FCHSD2: variants seen among roughly 807,000 people sequenced by gnomAD.
FCHSD2 encodes F-BAR and double SH3 domains protein 2.
A neutral mutation model predicts 108.1 loss-of-function variants in FCHSD2; 38 were observed. The ratio of observed to expected loss-of-function variants is 0.35; its 90% CI spans 0.27 to 0.46. The LOEUF is 0.46. Ranked by LOEUF, FCHSD2 falls within the 20% of genes least tolerant of loss-of-function variation. FCHSD2 has a pLI of 1.00. For synonymous variants in FCHSD2, 279 were observed against 314.7 expected (o/e 0.89, Z 1.20); for missense variants, 751 against 897.8 (o/e 0.84, Z 2.09).
chr11:73,005,205 T>C lies in FCHSD2; in HGVS notation c.243-4071A>G, dbSNP rs188769907. On this transcript the variant is annotated intron_variant, in intron 4 of 19. Transcript: ENST00000409418. ...CATTTCTCACCAGCTGCCACCCTAA[T>C]GTCTGCTCTCTTTTATAGAAAAACT... Among the ~76,000 whole-genome samples the C allele has an allele frequency of 5.3e-5, 8 of 152,336 alleles. No individual in the cohort carries two copies. In the East Asian group the frequency reaches 1.5e-3, roughly 29 times the overall value.
intron 3 of FCHSD2, among the ~76,000 whole-genome samples, chr11:73,022,198 T>C (rs757827838): frequency 3.9e-5 from 6 of 152,144 alleles, no homozygotes; most frequent in Non-Finnish European, 7.4e-5. Flanking sequence ...TCCCTTAAGA[T>C]AGAGATAAGG....
intron 5 of FCHSD2, among the ~76,000 whole-genome samples, chr11:72,999,337 T>TTTG (rs1857579221): frequency 6.8e-6 from 1 of 147,774 alleles, no homozygotes; most frequent in Admixed American, 6.7e-5. Flanking sequence ...TTTTTTTTTT[T>TTTG]GAGATAGAGT....
chr11:73,120,006 A>C (rs1295895139), intron 2 of FCHSD2, among the ~76,000 whole-genome samples: 1 of 152,114 alleles, frequency 6.6e-6, no homozygotes, highest in Non-Finnish European at 1.5e-5. Context: ...GTCCCCTCTT[A>C]CATGGATGGC....
chr11:73,028,415 C>G (rs1858279346), intron 3 of FCHSD2, among the ~76,000 whole-genome samples: 1 of 152,204 alleles, frequency 6.6e-6, no homozygotes, highest in African/African-American at 2.4e-5. Context: ...TGGCCAATTT[C>G]CCCCATTTTG....
chr11:72,921,721 G>T, intron 9 of FCHSD2, 107 bp downstream of exon 9: 1 of 843,456 alleles, frequency 1.2e-6, no homozygotes, highest in Non-Finnish European at 1.8e-6. Flanking sequence ...AAATTTGTTC[G>T]TTAATGCATT....
intron 18 of FCHSD2, 99 bp downstream of exon 18, chr11:72,841,340 CAAAAAAAAAAAAAAA>C (rs59748827): frequency 2.7e-6 from 1 of 371,388 alleles, no homozygotes; most frequent in South Asian, 2.3e-5. Context: ...ACTCTGTCTC[CAAAAAAAAAAAAAAA>C]AAAAAAAAAG....
At chr11:72,841,660 T>G (rs1238279535) in intron 17 of FCHSD2, 77 bp from the exon 18 acceptor site, 4 of 1,383,142 alleles carry the variant, frequency 2.9e-6, no homozygotes, top group Non-Finnish European at 3.9e-6. Context: ...GACTGCTCTG[T>G]ACTCATGCCT....
rs1350099454 is a variant in FCHSD2, at chr11:72,843,503, C to A, written c.1473G>T (p.Glu491Asp). The change falls in exon 15 of 20, where the codon GAG becomes GAT. Residue 491 changes from glutamate (E) to aspartate (D), a missense_variant. Physicochemically the swap from Glu to Asp is conservative, Grantham distance 45 (BLOSUM62 2). Transcript: ENST00000409418. The part of the protein sequence containing the change: ...KASQPDELTI[E>D]EHEVLEVIED... The stretch of plus-strand genomic sequence containing the variant: ...CAATCACTTCTAACACCTCATGTTC[C>A]TCAATGGTCAACTCATCTGGTTGAG... The A allele has an allele frequency of 6.2e-7, 1 of 1,613,802 alleles. No individual in the cohort carries two copies. The highest frequency in any genetic ancestry group is 8.5e-7 in the Non-Finnish European group (1 of 1,179,740).
intron 2 of FCHSD2, among the ~76,000 whole-genome samples, chr11:73,102,542 T>C (rs1860248860): frequency 6.6e-6 from 1 of 152,254 alleles, no homozygotes; most frequent in African/African-American, 2.4e-5. Flanking sequence ...TACTCTGCCA[T>C]GGTTTGAATG....
At chr11:73,030,060 A>G (rs1169606966) in intron 3 of FCHSD2, among the ~76,000 whole-genome samples, 1 of 152,208 alleles carries the variant, frequency 6.6e-6, no homozygotes, top group Admixed American at 6.5e-5. Flanking sequence ...CAAAGCATAC[A>G]AAGAAATAGG....
chr11:72,949,742 T>TAA (rs2135354995), intron 8 of FCHSD2, among the ~76,000 whole-genome samples: 1 of 152,372 alleles, frequency 6.6e-6, no homozygotes, highest in African/African-American at 2.4e-5. Context: ...TTCCACTGTA[T>TAA]GGGTTTACCA....
At chr11:72,888,675 G>A (rs1267603420) in intron 11 of FCHSD2, among the ~76,000 whole-genome samples, 2 of 150,704 alleles carry the variant, frequency 1.3e-5, no homozygotes, top group Non-Finnish European at 3.0e-5. Context: ...CTGGAGTTCA[G>A]AGGCATGATC....
At chr11:72,903,018 G>A (rs1211981960) in intron 9 of FCHSD2, among the ~76,000 whole-genome samples, 1 of 151,968 alleles carries the variant, frequency 6.6e-6, no homozygotes, top group African/African-American at 2.4e-5. Flanking sequence ...AAATTGTATG[G>A]GCCTCTTAAA....
At chr11:72,851,844 C>T (rs1393797934) in intron 13 of FCHSD2, among the ~76,000 whole-genome samples, 3 of 148,842 alleles carry the variant, frequency 2.0e-5, no homozygotes, top group African/African-American at 4.9e-5. Context: ...ATCAAAACCA[C>T]AATGAGATAC....
intron 8 of FCHSD2, among the ~76,000 whole-genome samples, chr11:72,981,318 G>A (rs530952024): frequency 6.6e-6 from 1 of 152,262 alleles, no homozygotes; most frequent in African/African-American, 2.4e-5. Context: ...TTCAAAGTAA[G>A]TTCGAGAACA....
rs780791642 is a variant in FCHSD2 at position 73,141,847 on chromosome 11, G to A, written c.21+10C>T. The A allele has an allele frequency of 6.5e-7, 1 of 1,544,370 alleles. No homozygotes were observed. Among genetic ancestry groups the A allele is most frequent in the South Asian group, 1.2e-5 (1 of 83,894 alleles). ...CTCCGAACCCCAAAGCCCCCCAGCT[G>A]CGCCCTTACCTTCCTCGGCGGCGGC... On this transcript the variant is annotated intron_variant, in intron 1 of 19. Transcript: ENST00000409418.
At chr11:72,976,363 C>T (rs1176917957) in intron 8 of FCHSD2, among the ~76,000 whole-genome samples, 1 of 152,080 alleles carries the variant, frequency 6.6e-6, no homozygotes, top group Admixed American at 6.6e-5. Context: ...AGGATCATAG[C>T]TCACTGTAGC....
chr11:73,098,111 A>G (rs559380418), intron 2 of FCHSD2, among the ~76,000 whole-genome samples: 1 of 152,160 alleles, frequency 6.6e-6, no homozygotes, highest in South Asian at 2.1e-4. Context: ...TTTTGGGTTT[A>G]GCATGCTCTT....
At chr11:72,902,228 A>G (rs11235612) in intron 10 of FCHSD2, among the ~76,000 whole-genome samples, 55,535 of 151,884 alleles carry the variant, frequency 0.37, 10,589 homozygotes, top group South Asian at 0.49. Flanking sequence ...AACATAAAAA[A>G]TTTCAGGGAA....
Sources: gnomAD v4.1 joint callset for allele counts (sites outside exome capture counted in the v4.1 genomes callset) on GRCh38, gnomAD v4.1.1 for gene constraint, MANE v1.5 for transcripts, NCBI Gene and HGNC (gene_info 2026-07-23, HGNC 2026-07-21) for gene names.